The following CLEC16A variants were observed in gnomAD, a reference collection of about 807,000 sequenced individuals.
The protein encoded by CLEC16A is protein CLEC16A.
In CLEC16A, 51 loss-of-function variants were observed where a neutral mutation model predicts 109.5. That is an observed-to-expected ratio of 0.47 (90% CI 0.37 to 0.59). CLEC16A has a LOEUF of 0.59. Among genes scored for constraint, CLEC16A ranks in the 20% least tolerant of loss-of-function variants. CLEC16A has a pLI of 0.00. For missense variants in CLEC16A, 1,339 were observed against 1,394.0 expected (o/e 0.96, Z 0.63); for synonymous variants, 673 against 564.2 (o/e 1.19, Z -2.73).
chr16:11,158,919 C>T (rs1161343046), intron 22 of CLEC16A, among the ~76,000 whole-genome samples: 5 of 77,134 alleles, frequency 6.5e-5, no homozygotes, highest in Non-Finnish European at 1.4e-4. Context: ...GACTCCAGCT[C>T]AGGGAAAAAA....
chr16:10,946,980 G>A (rs925672228), intron 1 of CLEC16A, among the ~76,000 whole-genome samples: 11 of 152,230 alleles, frequency 7.2e-5, no homozygotes, highest in African/African-American at 2.4e-4. Flanking sequence ...GAACACTTTT[G>A]ACTTGGCTGA....
intron 1 of CLEC16A, 52 bp downstream of exon 1, chr16:10,944,849 G>A (rs2041262987): frequency 1.3e-6 from 2 of 1,498,918 alleles, no homozygotes; most frequent in African/African-American, 1.4e-5. Context: ...GGGGGACGGG[G>A]CGCCGAGCTC....
rs1480012393 is a variant in CLEC16A at position 11,123,964 on chromosome 16, G to A, written c.2473+18G>A. On this transcript the variant is annotated intron_variant, in intron 21 of 23. Coordinates refer to ENST00000409790, the MANE Select transcript of CLEC16A (RefSeq NM_015226.3). Reference sequence around the variant, plus strand: ...AATAGCTGGTGAGTGGCTGGACCCTGGCAGGGCATCCTCTGAGCACTTGGT... The same window carrying A: ...AATAGCTGGTGAGTGGCTGGACCCTAGCAGGGCATCCTCTGAGCACTTGGT... 6.3e-7 allele frequency: 1 copy of A among 1,578,404 alleles called. No individual in the cohort carries two copies.
At chr16:11,146,899 G>T (rs1459726740) in intron 22 of CLEC16A, among the ~76,000 whole-genome samples, 1 of 152,156 alleles carries the variant, frequency 6.6e-6, no homozygotes, top group Non-Finnish European at 1.5e-5. Flanking sequence ...GGAGCTCATG[G>T]GCACTGTGGA....
chr16:11,021,204 A>G (rs1013885387), intron 12 of CLEC16A, among the ~76,000 whole-genome samples: 1 of 152,184 alleles, frequency 6.6e-6, no homozygotes, highest in Non-Finnish European at 1.5e-5. Flanking sequence ...TCCACATCTT[A>G]TTTGTCTCTT....
At chr16:11,087,932 C>T (rs1056613819) in intron 19 of CLEC16A, among the ~76,000 whole-genome samples, 5 of 152,368 alleles carry the variant, frequency 3.3e-5, no homozygotes, top group South Asian at 2.1e-4. Context: ...CGCTGTGCAG[C>T]CGCCCTGGGC....
At chr16:11,168,045 A>G (rs2068347292) in intron 23 of CLEC16A, among the ~76,000 whole-genome samples, 2 of 152,180 alleles carry the variant, frequency 1.3e-5, no homozygotes. Flanking sequence ...TGTCATTTTT[A>G]AGGACGTACA....
chr16:11,039,783 C>T lies in CLEC16A; in HGVS notation c.1567C>T (p.Gln523Ter). The T allele has an allele frequency of 6.2e-7, 1 of 1,605,882 alleles. No homozygotes were observed. Among genetic ancestry groups the T allele is most frequent in the Non-Finnish European group, 8.5e-7 (1 of 1,176,312 alleles). The change falls in exon 14 of 24, where the codon CAG (glutamine) becomes TAG (stop). Residue 523 changes from glutamine to a stop codon, truncating the protein, a stop_gained. Transcript: ENST00000409790. LOFTEE classifies it high-confidence loss of function. ...GGATCCTGAAAAATTAGAGCGAATC[C>T]AGCTCCCCGTGCCAAATGCGGCCGA... ...GMDPEKLERIQLPVPNAAEKT... is the reference protein window; with the variant it reads ...GMDPEKLERI
At chr16:11,010,586 A>G (rs749715178) in intron 11 of CLEC16A, among the ~76,000 whole-genome samples, 7 of 152,164 alleles carry the variant, frequency 4.6e-5, no homozygotes, top group Non-Finnish European at 1.0e-4. Context: ...ACGCACATTC[A>G]TCGTGCCCCT....
intron 22 of CLEC16A, among the ~76,000 whole-genome samples, chr16:11,165,029 GC>G (rs912934692): frequency 6.6e-6 from 1 of 152,058 alleles, no homozygotes; most frequent in African/African-American, 2.4e-5. Context: ...AGGAGGACTC[GC>G]CCCCCCATAT....
At chr16:10,996,411 G>C (rs977255558) in intron 10 of CLEC16A, among the ~76,000 whole-genome samples, 1 of 152,176 alleles carries the variant, frequency 6.6e-6, no homozygotes, top group Non-Finnish European at 1.5e-5. Context: ...CCAGCCCCAG[G>C]TGACCTAGGC....
At chr16:11,143,445 G>C (rs921714898) in intron 22 of CLEC16A, among the ~76,000 whole-genome samples, 2 of 152,182 alleles carry the variant, frequency 1.3e-5, no homozygotes, top group African/African-American at 2.4e-5. Context: ...GTGGCAGCAG[G>C]CTGGGTGGGA....
chr16:11,156,917 G>GCCCCCCCCCCC (rs60216625), intron 22 of CLEC16A, among the ~76,000 whole-genome samples: 61 of 77,362 alleles, frequency 7.9e-4, no homozygotes, highest in Admixed American at 1.2e-3. Flanking sequence ...CCAAATGCCC[G>GCCCCCCCCCCC]CCCCCCCCCC....
At chr16:11,097,761 G>C (rs945408622) in intron 19 of CLEC16A, among the ~76,000 whole-genome samples, 1 of 152,248 alleles carries the variant, frequency 6.6e-6, no homozygotes, top group African/African-American at 2.4e-5. Context: ...GTGTCTGAGA[G>C]TGTGATGAGG....
rs113415086 is a variant in CLEC16A at position 11,043,542 on chromosome 16, C to T, written c.1771-486C>T. Among the ~76,000 whole-genome samples the T allele has an allele frequency of 5.5e-3, 831 of 152,268 alleles. 14 individuals carry two copies. The highest frequency in any genetic ancestry group is 0.019 in the African/African-American group (784 of 41,556). On this transcript the variant is annotated intron_variant, in intron 15 of 23. Transcript: ENST00000409790. ...CCTTTCCCCATTTTCATTTTGAGCT[C>T]TGTCTCCTTTCCTCTCTCTCTCATT...
rs200877970 is a variant in CLEC16A, at chr16:10,977,307, A to C, written c.811A>C (p.Asn271His). The C allele has an allele frequency of 1.7e-4, 271 of 1,613,830 alleles. No homozygotes were observed. The highest frequency in any genetic ancestry group is 2.1e-4 in the Non-Finnish European group (248 of 1,179,880). ...LHYLNDILII[N>H]CEFLNDVLTD... is the part of the protein sequence containing the mutation. ...CTATCTCAATGACATCCTGATCATC[A>C]ACTGTGAGTTCCTCAACGATGTGCT... Residue 271 changes from asparagine to histidine, a missense_variant, in exon 8 of 24, where the codon AAC (asparagine) becomes CAC (histidine). By Grantham distance (68) the Asn-to-His change is moderately conservative. Transcript: ENST00000409790.
chr16:10,991,045 G>T (rs1346026468), intron 10 of CLEC16A, among the ~76,000 whole-genome samples: 3 of 152,170 alleles, frequency 2.0e-5, no homozygotes, highest in African/African-American at 7.2e-5. Flanking sequence ...TATATACCCA[G>T]TGAGCAAAAC....
chr16:11,067,187 TTG>T (rs565014073), intron 19 of CLEC16A, among the ~76,000 whole-genome samples: 297 of 122,258 alleles, frequency 2.4e-3, no homozygotes, highest in Middle Eastern at 4.1e-3. Context: ...TTGTTTGTTT[TTG>T]TTTTTTTTTT....
chr16:11,101,896 A>G (rs28548645), intron 19 of CLEC16A, among the ~76,000 whole-genome samples: 18,677 of 150,482 alleles, frequency 0.12, 1,233 homozygotes, highest in African/African-American at 0.18. Flanking sequence ...TGACCTCCCT[A>G]GGCTCAAGTG....
Sources: gnomAD v4.1 joint callset for allele counts (sites outside exome capture counted in the v4.1 genomes callset) on GRCh38, gnomAD v4.1.1 for gene constraint, MANE v1.5 for transcripts, NCBI Gene and HGNC (gene_info 2026-07-23, HGNC 2026-07-21) for gene names.